Variants in HCN1 observed in about 807,000 individuals in gnomAD.
The protein encoded by HCN1 is potassium/sodium hyperpolarization-activated cyclic nucleotide-gated channel 1.
In HCN1, 13 loss-of-function variants were observed where a neutral mutation model predicts 78.9. The ratio of observed to expected loss-of-function variants is 0.16; its 90% confidence interval spans 0.11 to 0.26. The LOEUF (loss-of-function observed/expected upper bound fraction) is 0.26, where lower values mean the gene tolerates loss of function less well. Among genes scored for constraint, HCN1 ranks in the 10% least tolerant of loss-of-function variants. The probability of loss-of-function intolerance (pLI) is 1.00; values close to 1 mark genes in which losing one functional copy is unlikely to be tolerated. For synonymous variants in HCN1, 552 were observed against 455.5 expected (o/e 1.21, Z -2.70); for missense variants, 810 against 1,154.3 (o/e 0.70, Z 4.32).
chr5:45,328,840 A>G (rs913515559), intron 5 of HCN1, among the ~76,000 whole-genome samples: 8 of 151,684 alleles, frequency 5.3e-5, no homozygotes, highest in African/African-American at 1.9e-4. Context: ...CACTATACAC[A>G]ATTTAGTTAA....
intron 1 of HCN1, among the ~76,000 whole-genome samples, chr5:45,689,766 G>A (rs1179214235): frequency 6.6e-6 from 1 of 152,030 alleles, no homozygotes; most frequent in East Asian, 1.9e-4. Context: ...AACAGTAATG[G>A]GAAGTTACTA....
intron 2 of HCN1, among the ~76,000 whole-genome samples, chr5:45,472,999 G>GT (rs1321622705): frequency 5.9e-5 from 9 of 151,812 alleles, no homozygotes; most frequent in Non-Finnish European, 1.3e-4. Flanking sequence ...TCTCTGAACT[G>GT]TTTTTTAATT....
chr5:45,608,357 ATGTGTG>A (rs397970171), intron 2 of HCN1, among the ~76,000 whole-genome samples: 191 of 140,512 alleles, frequency 1.4e-3, no homozygotes, highest in African/African-American at 3.8e-3. Flanking sequence ...GGATGGGTGT[ATGTGTG>A]TGTGTGTGTG....
At chr5:45,594,127 A>C (rs1744439959) in intron 2 of HCN1, among the ~76,000 whole-genome samples, 1 of 152,178 alleles carries the variant, frequency 6.6e-6, no homozygotes, top group Admixed American at 6.5e-5. Flanking sequence ...AGCGGAATGA[A>C]AGTTTCATGT....
intron 1 of HCN1, among the ~76,000 whole-genome samples, chr5:45,653,113 A>C (rs1745707262): frequency 6.6e-6 from 1 of 151,976 alleles, no homozygotes; most frequent in South Asian, 2.1e-4. Context: ...TCCCAAGCTA[A>C]ATTAAAAAGA....
Position 45,287,783 on chromosome 5 carries a change from A to C in HCN1, c.1618+15816T>G, listed in dbSNP as rs778445656. ...CTAACACATAGTCAGGAGAAATACA[A>C]ATTGACAATTAGATCTCCAGTGTTG... is the stretch of plus-strand genomic sequence containing the variant. On this transcript the variant is annotated intron_variant, in intron 6 of 7. Transcript: ENST00000303230. Among the ~76,000 whole-genome samples the C allele has an allele frequency of 3.2e-4, 48 of 152,056 alleles. 1 individual carries two copies. Among genetic ancestry groups the C allele is most frequent in the Non-Finnish European group, 8.8e-5 (6 of 68,014 alleles).
At chr5:45,690,892 G>A (rs6881805) in intron 1 of HCN1, among the ~76,000 whole-genome samples, 2,872 of 151,906 alleles carry the variant, frequency 0.019, 72 homozygotes, top group African/African-American at 0.061. Flanking sequence ...GTTCTTTTCC[G>A]GAGCCCAATT....
At chr5:45,556,779 T>C (rs974069256) in intron 2 of HCN1, among the ~76,000 whole-genome samples, 7 of 152,004 alleles carry the variant, frequency 4.6e-5, no homozygotes, top group African/African-American at 1.7e-4. Context: ...TCTATGTTTC[T>C]TCTCCCATCA....
At chr5:45,601,831 A>G (rs2111965091) in intron 2 of HCN1, among the ~76,000 whole-genome samples, 1 of 152,278 alleles carries the variant, frequency 6.6e-6, no homozygotes, top group South Asian at 2.1e-4. Flanking sequence ...TGTCCTCCCA[A>G]AATTCATATG....
chr5:45,630,680 A>G (rs1233576892), intron 2 of HCN1, among the ~76,000 whole-genome samples: 1 of 152,154 alleles, frequency 6.6e-6, no homozygotes, highest in Non-Finnish European at 1.5e-5. Context: ...TAAGGAATTT[A>G]CCTTGGCTAG....
At chr5:45,565,640 T>C (rs961101840) in intron 2 of HCN1, among the ~76,000 whole-genome samples, 4 of 151,956 alleles carry the variant, frequency 2.6e-5, no homozygotes, top group Non-Finnish European at 1.5e-5. Flanking sequence ...CTGGGCAACA[T>C]AGAGAGACCT....
intron 5 of HCN1, among the ~76,000 whole-genome samples, chr5:45,304,058 T>C (rs533491120): frequency 3.5e-4 from 54 of 152,300 alleles, no homozygotes; most frequent in African/African-American, 1.2e-3. Context: ...AGTATAGGAA[T>C]GTATTAAATA....
At chr5:45,452,398 G>A (rs1343844107) in intron 3 of HCN1, among the ~76,000 whole-genome samples, 2 of 151,306 alleles carry the variant, frequency 1.3e-5, no homozygotes, top group Non-Finnish European at 3.0e-5. Flanking sequence ...AAGTCACAGG[G>A]GTTTGATATA....
At chr5:45,492,533 T>C (rs1741909883) in intron 2 of HCN1, among the ~76,000 whole-genome samples, 1 of 146,296 alleles carries the variant, frequency 6.8e-6, no homozygotes, top group Non-Finnish European at 1.5e-5. Flanking sequence ...TTTTTTTTTT[T>C]TTTTGAGACA....
At chr5:45,377,556 A>G (rs184087093) in intron 4 of HCN1, among the ~76,000 whole-genome samples, 1 of 152,046 alleles carries the variant, frequency 6.6e-6, no homozygotes. Flanking sequence ...AAACTAACCG[A>G]GAGCAAAGTT....
chr5:45,688,453 C>A (rs1214626253), intron 1 of HCN1, among the ~76,000 whole-genome samples: 1 of 152,022 alleles, frequency 6.6e-6, no homozygotes, highest in Non-Finnish European at 1.5e-5. Flanking sequence ...CACATACTTG[C>A]AGGTGCCAGT....
intron 4 of HCN1, among the ~76,000 whole-genome samples, chr5:45,365,943 C>T (rs1015150547): frequency 6.6e-6 from 1 of 151,610 alleles, no homozygotes; most frequent in African/African-American, 2.4e-5. Context: ...AAATGACCTC[C>T]CATTTAATTT....
chr5:45,498,363 T>G (rs1483937285), intron 2 of HCN1, among the ~76,000 whole-genome samples: 1 of 152,236 alleles, frequency 6.6e-6, no homozygotes, highest in Non-Finnish European at 1.5e-5. Context: ...TACTGCTTCT[T>G]CCAGTTCATC....
rs193184229 is a variant in HCN1 at position 45,274,632 on chromosome 5, A to G, written c.1619-7379T>C. On this transcript the variant is annotated intron_variant, in intron 6 of 7. Coordinates refer to ENST00000303230, the MANE Select transcript of HCN1 (RefSeq NM_021072.4). ...CCTTATGATTTTGATGGTACCTGCT[A>G]GAAGCAAATAAAAGTAATGCTTCAC... Among the ~76,000 whole-genome samples, 7 of 152,308 alleles carry G rather than the reference A, an allele frequency of 4.6e-5. No individual in the cohort carries two copies. The East Asian group carries it at 1.4e-3, about 29-fold the overall frequency.
Sources: allele counts gnomAD v4.1 joint callset (sites outside exome capture counted in the v4.1 genomes callset), GRCh38; gene constraint gnomAD v4.1.1; transcripts MANE v1.5; gene names NCBI Gene and HGNC (gene_info 2026-07-23, HGNC 2026-07-21).